The following SLC8A2 variants were observed in gnomAD, a reference collection of about 807,000 sequenced individuals.
The protein encoded by SLC8A2 is sodium/calcium exchanger 2.
In SLC8A2, 14 loss-of-function variants were observed where a neutral mutation model predicts 70.2. That is an observed-to-expected ratio of 0.20 (90% CI 0.13 to 0.31). The LOEUF is 0.31. Among genes scored for constraint, SLC8A2 ranks in the 10% least tolerant of loss-of-function variants. SLC8A2 has a pLI of 1.00. For synonymous variants in SLC8A2, 575 were observed against 594.3 expected, an observed-to-expected ratio of 0.97 and a Z score of 0.47; for missense variants, 779 against 1,320.1, an observed-to-expected ratio of 0.59 and a Z score of 6.35.
At chr19:47,444,155 C>T (rs1037100124) in intron 4 of SLC8A2, among the ~76,000 whole-genome samples, 3 of 152,108 alleles carry the variant, frequency 2.0e-5, no homozygotes, top group African/African-American at 7.2e-5. Flanking sequence ...TTGGCCTCCC[C>T]AGTGCTGGGG....
chr19:47,446,070 G>A (rs1967157763), intron 4 of SLC8A2, among the ~76,000 whole-genome samples: 1 of 152,218 alleles, frequency 6.6e-6, no homozygotes, highest in African/African-American at 2.4e-5. Flanking sequence ...ATGCAGAGAT[G>A]CAGAGGGAGA....
At chr19:47,457,741 G>C (rs1035791351) in intron 2 of SLC8A2, 147 bp from the exon 3 acceptor site, 19 of 410,734 alleles carry the variant, frequency 4.6e-5, no homozygotes, top group Non-Finnish European at 6.8e-5. Context: ...ATCCCTTTCT[G>C]TTTCTTTTCT....
At position 47,447,571 on chromosome 19, in the gene SLC8A2, A is replaced by G; in HGVS notation, c.1763+238T>C. 1 of 491,634 alleles carries G rather than the reference A, an allele frequency of 2.0e-6. No individual in the cohort carries two copies. The highest frequency in any genetic ancestry group is 3.6e-6 in the Non-Finnish European group (1 of 281,088). 30.5% of individuals were successfully genotyped at this position (491,634 alleles called of 1,614,324 possible). ...GCCCACTTTGGAGAACGATTCACTC[A>G]GGCCCCTCTCCTCCTGAGGGCCCAG... On this transcript the variant is annotated intron_variant, in intron 4 of 9. Transcript: ENST00000236877. This position sits in a 1 kb window ranked among gnomAD's most constrained non-coding sequence, Gnocchi z 5.1.
intron 1 of SLC8A2, among the ~76,000 whole-genome samples, chr19:47,467,336 G>C (rs1017923888): frequency 6.6e-6 from 1 of 152,190 alleles, no homozygotes; most frequent in Non-Finnish European, 1.5e-5. Flanking sequence ...TTTGTTAGGA[G>C]ATTCAAATGG....
chr19:47,438,092 C>T, intron 6 of SLC8A2, 119 bp from the exon 7 acceptor site: 2 of 1,256,198 alleles, frequency 1.6e-6, no homozygotes. Context: ...TGGGAAGCTC[C>T]TTGGTGACTC....
rs757493732 is a variant in SLC8A2, at chr19:47,432,348, G to A, written c.2208C>T (p.Leu736=). Residue 736 remains leucine, a synonymous_variant, in exon 9 of 10, where the codon CTC becomes CTT. Coordinates refer to ENST00000236877, the MANE Select transcript of SLC8A2 (RefSeq NM_015063.3). The surrounding 1 kb of genome is among the most constrained non-coding windows in gnomAD (Gnocchi z 6.2). The stretch of plus-strand genomic sequence containing the variant: ...ACTCGGTGGGGGGCACACAGGCGAA[G>A]AGCACCTTCCAGAACACCGTCAGGA... ...MHFLTVFWKV[L]FACVPPTEYC... 7 of 1,613,982 alleles carry A rather than the reference G, an allele frequency of 4.3e-6. No homozygotes were observed. Among genetic ancestry groups the A allele is most frequent in the African/African-American group, 2.7e-5 (2 of 74,892 alleles).
chr19:47,442,695 A>C (rs546706901), intron 4 of SLC8A2, among the ~76,000 whole-genome samples: 260 of 152,072 alleles, frequency 1.7e-3, no homozygotes, highest in Middle Eastern at 0.017. Flanking sequence ...ATTTATTATT[A>C]TTTTTGGAGA....
chr19:47,432,156 C>T lies in SLC8A2; in HGVS notation c.2389+11G>A. The T allele has an allele frequency of 6.3e-7, 1 of 1,595,894 alleles. No homozygotes were observed. On this transcript the variant is annotated intron_variant, in intron 9 of 9. Transcript: ENST00000236877. The surrounding 1 kb of genome is among the most constrained non-coding windows in gnomAD (Gnocchi z 6.2). Reference sequence around the variant, plus strand: ...GAGATCCTACCCCACCAAAGTCTCCCAGGGTGTTACCAGGGATGGAGGTGC... The same window carrying T: ...GAGATCCTACCCCACCAAAGTCTCCTAGGGTGTTACCAGGGATGGAGGTGC...
intron 3 of SLC8A2, among the ~76,000 whole-genome samples, chr19:47,450,680 G>A (rs698702): frequency 0.72 from 109,464 of 151,972 alleles, 41,881 homozygotes; most frequent in Middle Eastern, 0.87. Context: ...TTCACTGTCC[G>A]TGGTGATGGA....
intron 3 of SLC8A2, among the ~76,000 whole-genome samples, chr19:47,450,968 T>C (rs565130879): frequency 6.6e-6 from 1 of 151,304 alleles, no homozygotes; most frequent in South Asian, 2.1e-4. Flanking sequence ...ATGTAAGGGA[T>C]AAAGGGATCA....
At position 47,466,303 on chromosome 19, in the gene SLC8A2, T is replaced by C; in HGVS notation, c.101A>G (p.Asn34Ser). ...GCCCCCTGTGCTGGTGTCGCTGTCA[T>C]TGGCCGGGGGAGGCGGCAGGGAGGG... ...PTPSLPPPPA[N>S]DSDTSTGGCQ... The change falls in exon 2 of 10, where the codon AAT becomes AGT. Residue 34 changes from asparagine (N) to serine (S), a missense_variant. This residue lies in a region of SLC8A2 where 65 missense variants were observed against 61.3 expected (regional missense o/e 1.06). Coordinates refer to ENST00000236877, the MANE Select transcript of SLC8A2 (RefSeq NM_015063.3). This position sits in a 1 kb window ranked among gnomAD's most constrained non-coding sequence, Gnocchi z 6.9. 1 of 1,508,584 alleles carries C rather than the reference T, an allele frequency of 6.6e-7. No individual in the cohort carries two copies. The highest frequency in any genetic ancestry group is 8.9e-7 in the Non-Finnish European group (1 of 1,124,750). 93.4% of individuals were successfully genotyped at this position (1,508,584 alleles called of 1,614,324 possible).
chr19:47,455,801 T>C (rs1272659012), intron 3 of SLC8A2, among the ~76,000 whole-genome samples: 1 of 152,188 alleles, frequency 6.6e-6, no homozygotes, highest in Non-Finnish European at 1.5e-5. Context: ...TGGCACACAG[T>C]AGGTGCTCAG....
chr19:47,439,617 T>TTCCTTCCTTCCTTCCTTCCCTC (rs1555747523), intron 6 of SLC8A2, among the ~76,000 whole-genome samples: 1 of 145,812 alleles, frequency 6.9e-6, no homozygotes, highest in Non-Finnish European at 1.5e-5. Flanking sequence ...TTCCTTCCTT[T>TTCCTTCCTTCCTTCCTTCCCTC]CTTCCTTCCT....
At chr19:47,431,499 A>C (rs940081643) in intron 9 of SLC8A2, among the ~76,000 whole-genome samples, 1 of 149,528 alleles carries the variant, frequency 6.7e-6, no homozygotes, top group Non-Finnish European at 1.5e-5. Context: ...AAACGTAAAA[A>C]TTAGCTGGAT....
chr19:47,470,692 G>A (rs948964005), intron 1 of SLC8A2, among the ~76,000 whole-genome samples: 1 of 152,170 alleles, frequency 6.6e-6, no homozygotes, highest in Non-Finnish European at 1.5e-5. Context: ...GAAGTGAGAC[G>A]GCAGGAAGGA....
chr19:47,440,684 C>T (rs1227022881), intron 6 of SLC8A2, among the ~76,000 whole-genome samples: 3 of 152,116 alleles, frequency 2.0e-5, no homozygotes, highest in African/African-American at 4.8e-5. Context: ...CTCCACCTCC[C>T]GGGTTCGAGC....
chr19:47,453,993 T>A (rs115896000), intron 3 of SLC8A2, among the ~76,000 whole-genome samples: 3,701 of 151,404 alleles, frequency 0.024, 143 homozygotes, highest in African/African-American at 0.08. Flanking sequence ...AAAAAATATA[T>A]AAATTAGCTG....
rs1967494165 is a variant in SLC8A2, at chr19:47,468,716, C to A, written c.-16-2297G>T. 6.6e-6 allele frequency among the ~76,000 whole-genome samples: 1 copy of A among 152,172 alleles called. No homozygotes were observed. Among genetic ancestry groups the A allele is most frequent in the South Asian group, 2.1e-4 (1 of 4,834 alleles). ...CTCTGGGGAGCACCCCTCCATTCCA[C>A]AGGTGAGAGGACCAAGGCGCAGAGA... On this transcript the variant is annotated intron_variant, in intron 1 of 9. Transcript: ENST00000236877. The surrounding 1 kb of genome is among the most constrained non-coding windows in gnomAD (Gnocchi z 5.1).
intron 2 of SLC8A2, among the ~76,000 whole-genome samples, 159 bp from the exon 3 acceptor site, chr19:47,457,753 T>TC (rs1967328755): frequency 1.3e-5 from 2 of 151,012 alleles, no homozygotes; most frequent in Non-Finnish European, 2.9e-5. Flanking sequence ...TTCTTTTCTT[T>TC]CTTTCTTTCT....
Sources: gnomAD v4.1 joint callset for allele counts (sites outside exome capture counted in the v4.1 genomes callset) on GRCh38, gnomAD v4.1.1 for gene constraint, gnomAD v4.1.1 regional missense constraint, Gnocchi (gnomAD v3.1) non-coding constraint, MANE v1.5 for transcripts, NCBI Gene and HGNC (gene_info 2026-07-23, HGNC 2026-07-21) for gene names.